The following SLC38A9 variants were observed in gnomAD, a reference collection of about 807,000 sequenced individuals.
The protein encoded by SLC38A9 is neutral amino acid transporter 9.
SLC38A9 carries 48 observed loss-of-function variants against 62.3 expected under a neutral mutation model. The observed-to-expected ratio is 0.77, with a 90% CI of 0.61 to 0.98. The LOEUF is 0.98. Among genes scored for constraint, SLC38A9 ranks in the 50% least tolerant of loss-of-function variants. The probability of loss-of-function intolerance (pLI) is 0.00; values close to 1 mark genes in which losing one functional copy is unlikely to be tolerated. For synonymous variants in SLC38A9, 204 were observed against 227.7 expected, an observed-to-expected ratio of 0.90 and a Z score of 0.94; for missense variants, 541 against 679.8, an observed-to-expected ratio of 0.80 and a Z score of 2.27.
chr5:55,698,043 C>A, intron 2 of SLC38A9, 51 bp from the exon 3 acceptor site: 1 of 668,886 alleles, frequency 1.5e-6, no homozygotes, highest in Non-Finnish European at 2.5e-6. Flanking sequence ...ATTTTATTAT[C>A]CATCACTAAT....
intron 4 of SLC38A9, among the ~76,000 whole-genome samples, chr5:55,670,420 C>G (rs1197680066): frequency 6.6e-6 from 1 of 151,870 alleles, no homozygotes; most frequent in Admixed American, 6.6e-5. Flanking sequence ...AGTGTGGATG[C>G]AAGTACTATG....
At chr5:55,663,320 A>G (rs1749933494) in intron 8 of SLC38A9, among the ~76,000 whole-genome samples, 1 of 148,584 alleles carries the variant, frequency 6.7e-6, no homozygotes. Flanking sequence ...AAAAAAAAAA[A>G]AAGGAGATCT....
At chr5:55,664,297 T>G (rs1346421089) in intron 8 of SLC38A9, among the ~76,000 whole-genome samples, 1 of 152,144 alleles carries the variant, frequency 6.6e-6, no homozygotes, top group Non-Finnish European at 1.5e-5. Flanking sequence ...TAATAATATA[T>G]TTATCACATA....
At chr5:55,672,965 A>G (rs1751557005) in intron 3 of SLC38A9, 1 of 342,632 alleles carries the variant, frequency 2.9e-6, no homozygotes, top group South Asian at 8.2e-5. Flanking sequence ...AAACAGAAAG[A>G]ACTTAAAACA....
At chr5:55,664,067 G>A (rs977482274) in intron 8 of SLC38A9, among the ~76,000 whole-genome samples, 4 of 152,012 alleles carry the variant, frequency 2.6e-5, no homozygotes, top group African/African-American at 9.7e-5. Flanking sequence ...AGGAGGCTGA[G>A]GTGGGAGGAT....
intron 2 of SLC38A9, chr5:55,704,040 C>T (rs1580443356): frequency 6.6e-6 from 1 of 152,252 alleles, no homozygotes; most frequent in East Asian, 1.9e-4. Flanking sequence ...TGGTGGTGCT[C>T]ACCTACAGTC....
chr5:55,652,270 T>C (rs1186137891), intron 10 of SLC38A9, among the ~76,000 whole-genome samples: 11 of 147,524 alleles, frequency 7.5e-5, no homozygotes, highest in Admixed American at 6.2e-4. Context: ...AGGCCAAGAA[T>C]TGCTTGAACC....
chr5:55,660,407 C>T (rs1749321202), intron 8 of SLC38A9, among the ~76,000 whole-genome samples: 1 of 152,002 alleles, frequency 6.6e-6, no homozygotes, highest in Admixed American at 6.5e-5. Context: ...AAGAGTGAAA[C>T]TCTGTCTCAA....
At chr5:55,680,224 T>TAGAG (rs201256489) in intron 3 of SLC38A9, among the ~76,000 whole-genome samples, 50,479 of 143,278 alleles carry the variant, frequency 0.35, 9,466 homozygotes, top group South Asian at 0.47. Flanking sequence ...TCTATATATA[T>TAGAG]ATAGAGAGAG....
At chr5:55,657,011 C>T in intron 8 of SLC38A9, among the ~76,000 whole-genome samples, 1 of 152,276 alleles carries the variant, frequency 6.6e-6, no homozygotes, top group East Asian at 1.9e-4. Flanking sequence ...CAAGCGCCCA[C>T]CACCACCCCT....
At chr5:55,671,851 A>C (rs1422208050) in intron 4 of SLC38A9, among the ~76,000 whole-genome samples, 1 of 151,952 alleles carries the variant, frequency 6.6e-6, no homozygotes, top group Non-Finnish European at 1.5e-5. Flanking sequence ...CCATCTCAAA[A>C]AAAAAGAGAT....
chr5:55,633,948 T>C, intron 13 of SLC38A9, 46 bp from the exon 14 acceptor site: 1 of 1,412,756 alleles, frequency 7.1e-7, no homozygotes. Context: ...TCAAATTCAG[T>C]ACACACATTC....
In SLC38A9 at chr5:55,697,674, A is replaced by T. The variant is rs919070563; in HGVS notation, c.113+172T>A. On this transcript the variant is annotated intron_variant, in intron 3 of 15. Transcript: ENST00000396865. Reference sequence around the variant, plus strand: ...TTAGTGAAAAAAAAAAAAAAAAAAAAATATAAACCAGTAAATAGTATTCCT... The same window carrying T: ...TTAGTGAAAAAAAAAAAAAAAAAAATATATAAACCAGTAAATAGTATTCCT... Among the ~76,000 whole-genome samples, 782 of 137,472 alleles carry T rather than the reference A, an allele frequency of 5.7e-3. 6 individuals carry two copies. The highest frequency in any genetic ancestry group is 0.018 in the East Asian group (82 of 4,662). 90.2% of individuals were successfully genotyped at this position (137,472 alleles called of 152,430 possible).
intron 3 of SLC38A9, among the ~76,000 whole-genome samples, chr5:55,689,732 C>T (rs1365502869): frequency 6.6e-6 from 1 of 152,108 alleles, no homozygotes; most frequent in East Asian, 1.9e-4. Context: ...TAATACAGTC[C>T]CCAACTTACA....
chr5:55,679,041 C>CA (rs1194523866), intron 3 of SLC38A9, among the ~76,000 whole-genome samples: 1 of 151,778 alleles, frequency 6.6e-6, no homozygotes, highest in East Asian at 1.9e-4. Context: ...AAAGTGAAAA[C>CA]AAAAAATTGA....
chr5:55,656,687 GAAAC>G, intron 9 of SLC38A9, 24 bp downstream of exon 9: 4 of 1,529,316 alleles, frequency 2.6e-6, no homozygotes, highest in Non-Finnish European at 3.6e-6. Flanking sequence ...GGAGAGTAAA[GAAAC>G]AAACAACATC....
intron 3 of SLC38A9, among the ~76,000 whole-genome samples, chr5:55,687,683 A>T (rs1754112003): frequency 6.6e-6 from 1 of 151,670 alleles, no homozygotes; most frequent in Non-Finnish European, 1.5e-5. Context: ...CTAGTATTTT[A>T]TTTTTTTATT....
At chr5:55,639,480 C>T (rs959112407) in intron 12 of SLC38A9, among the ~76,000 whole-genome samples, 2 of 151,966 alleles carry the variant, frequency 1.3e-5, no homozygotes, top group African/African-American at 4.8e-5. Flanking sequence ...GAAGAGGAGG[C>T]CTTTTCTATT....
intron 3 of SLC38A9, chr5:55,691,088 G>A (rs906778033): frequency 1.5e-6 from 1 of 685,550 alleles, no homozygotes; most frequent in African/African-American, 1.8e-5. Flanking sequence ...TGTTTGAAGG[G>A]CAGTAGGAAT....
Sources: gnomAD v4.1 joint callset for allele counts (sites outside exome capture counted in the v4.1 genomes callset) on GRCh38, gnomAD v4.1.1 for gene constraint, MANE v1.5 for transcripts, NCBI Gene and HGNC (gene_info 2026-07-23, HGNC 2026-07-21) for gene names.